The following ZFAND3 variants were observed in gnomAD, a reference collection of about 807,000 sequenced individuals.
ZFAND3 encodes the protein AN1-type zinc finger protein 3.
In ZFAND3, 10 loss-of-function variants were observed where a neutral mutation model predicts 29.6. The observed-to-expected ratio is 0.34, with a 90% CI of 0.21 to 0.57. The LOEUF (loss-of-function observed/expected upper bound fraction) is 0.57, where lower values mean the gene tolerates loss of function less well. ZFAND3 is among the 20% of genes least tolerant of loss of function. ZFAND3 has a pLI of 0.86. For synonymous variants in ZFAND3, 128 were observed against 112.6 expected (o/e 1.14, Z -0.87); for missense variants, 230 against 304.5 (o/e 0.76, Z 1.82).
chr6:37,847,980 A>C (rs1349088387), intron 1 of ZFAND3, among the ~76,000 whole-genome samples: 1 of 152,258 alleles, frequency 6.6e-6, no homozygotes, highest in Non-Finnish European at 1.5e-5. Context: ...TAAAATACTT[A>C]CAGAAAGGTT....
intron 2 of ZFAND3, among the ~76,000 whole-genome samples, chr6:37,945,470 A>G (rs73421420): frequency 0.11 from 17,175 of 152,078 alleles, 1,219 homozygotes; most frequent in Admixed American, 0.2. Flanking sequence ...GTCTTGGCTC[A>G]CTGCAACCTC....
chr6:37,850,017 T>C (rs759812366), intron 1 of ZFAND3, among the ~76,000 whole-genome samples: 1 of 152,198 alleles, frequency 6.6e-6, no homozygotes, highest in Non-Finnish European at 1.5e-5. Flanking sequence ...AAAATGGCTA[T>C]GTGGTATCTC....
intron 1 of ZFAND3, among the ~76,000 whole-genome samples, chr6:37,922,827 A>G (rs1436919835): frequency 6.6e-6 from 1 of 152,244 alleles, no homozygotes; most frequent in Non-Finnish European, 1.5e-5. Context: ...GGAGCTTACA[A>G]GACTGGAAAT....
At chr6:37,907,616 T>C (rs114189345) in intron 1 of ZFAND3, among the ~76,000 whole-genome samples, 6 of 152,330 alleles carry the variant, frequency 3.9e-5, no homozygotes, top group African/African-American at 1.4e-4. Context: ...ACATTGTGTT[T>C]ATTCATTCAC....
intron 2 of ZFAND3, among the ~76,000 whole-genome samples, chr6:38,053,218 G>C (rs1764063790): frequency 6.6e-6 from 1 of 152,162 alleles, no homozygotes; most frequent in South Asian, 2.1e-4. Context: ...CCATGGTTAG[G>C]ATTCTGGATC....
At chr6:37,880,249 C>T (rs572866398) in intron 1 of ZFAND3, among the ~76,000 whole-genome samples, 1 of 152,350 alleles carries the variant, frequency 6.6e-6, no homozygotes, top group South Asian at 2.1e-4. Context: ...TTTACAGTAG[C>T]TGCATGGTGT....
intron 1 of ZFAND3, among the ~76,000 whole-genome samples, chr6:37,921,933 ATGTACC>A: frequency 6.6e-6 from 1 of 151,272 alleles, no homozygotes; most frequent in East Asian, 1.9e-4. Context: ...GTGTGGTGGC[ATGTACC>A]TGTAGTCCCA....
At chr6:38,057,811 A>G (rs1045465937) in intron 2 of ZFAND3, among the ~76,000 whole-genome samples, 6 of 152,216 alleles carry the variant, frequency 3.9e-5, no homozygotes, top group African/African-American at 1.4e-4. Flanking sequence ...TTTTAAAGCC[A>G]TTACAGGTTG....
chr6:37,829,527 T>A (rs1272093667), intron 1 of ZFAND3, among the ~76,000 whole-genome samples: 1 of 152,246 alleles, frequency 6.6e-6, no homozygotes. Context: ...AGAGTGAGAC[T>A]CCGGCTCGAA....
At chr6:38,149,434 A>G (rs1766177775) in intron 5 of ZFAND3, among the ~76,000 whole-genome samples, 2 of 150,768 alleles carry the variant, frequency 1.3e-5, no homozygotes, top group East Asian at 2.0e-4. Context: ...AAAAAACCTA[A>G]GCCAAGTGTC....
At chr6:38,099,558 CAG>C (rs1037828450) in intron 4 of ZFAND3, among the ~76,000 whole-genome samples, 7 of 152,168 alleles carry the variant, frequency 4.6e-5, no homozygotes, top group African/African-American at 1.7e-4. Context: ...CTCAATAGGA[CAG>C]GGGAATTAGT....
chr6:37,875,475 T>C (rs1026238265), intron 1 of ZFAND3, among the ~76,000 whole-genome samples: 3 of 152,334 alleles, frequency 2.0e-5, no homozygotes, highest in African/African-American at 7.2e-5. Context: ...TAAATGATTT[T>C]TTTTTTTGGC....
At chr6:38,130,868 G>A (rs939672369) in intron 5 of ZFAND3, among the ~76,000 whole-genome samples, 1 of 152,160 alleles carries the variant, frequency 6.6e-6, no homozygotes, top group Non-Finnish European at 1.5e-5. Context: ...TTGTGGAATA[G>A]TGTCAATAGG....
At position 37,928,674 on chromosome 6, in the gene ZFAND3, C is replaced by A. The variant is rs549869123; in HGVS notation, c.72-1285C>A. Among the ~76,000 whole-genome samples the A allele has an allele frequency of 6.6e-5, 10 of 152,110 alleles. No homozygotes were observed. The East Asian group carries it at 1.9e-3, about 29-fold the overall frequency. On this transcript the variant is annotated intron_variant, in intron 1 of 5. Coordinates refer to ENST00000287218, the MANE Select transcript of ZFAND3 (RefSeq NM_021943.3). ...TAGCTACAGACGTGTGCCACCTCTC[C>A]CAGCTAATTTTTTCTATTTTTAGTA...
intron 2 of ZFAND3, among the ~76,000 whole-genome samples, chr6:38,013,657 T>C (rs1763200314): frequency 6.6e-6 from 1 of 152,132 alleles, no homozygotes; most frequent in African/African-American, 2.4e-5. Flanking sequence ...GTATTTCAAA[T>C]GGTGTGTAGG....
Position 38,088,522 on chromosome 6 carries a change from G to C in ZFAND3, c.361+6065G>C, listed in dbSNP as rs1199948491. 3 of 152,224 alleles carry C rather than the reference G, an allele frequency of 2.0e-5. No homozygotes were observed. The East Asian group carries it at 5.8e-4, about 29-fold the overall frequency. 9.4% of individuals were successfully genotyped at this position (152,224 alleles called of 1,614,324 possible). ...GTCAATAATAACTTACTTAAAGAGT[G>C]TAATTGTATTGCTTGTAACTCAAAG... On this transcript the variant is annotated intron_variant, in intron 4 of 5. Coordinates refer to ENST00000287218, the MANE Select transcript of ZFAND3 (RefSeq NM_021943.3).
chr6:37,843,723 A>T (rs183026522), intron 1 of ZFAND3, among the ~76,000 whole-genome samples: 1 of 152,216 alleles, frequency 6.6e-6, no homozygotes, highest in African/African-American at 2.4e-5. Flanking sequence ...TATACTCAAC[A>T]ATCATTGGTA....
At chr6:37,934,529 T>TAAA (rs34477813) in intron 2 of ZFAND3, among the ~76,000 whole-genome samples, 6 of 125,346 alleles carry the variant, frequency 4.8e-5, no homozygotes, top group South Asian at 2.6e-4. Context: ...TTAGTCTATT[T>TAAA]AAAAAAAAAA....
chr6:38,013,586 T>C (rs1318024453), intron 2 of ZFAND3, among the ~76,000 whole-genome samples: 5 of 152,206 alleles, frequency 3.3e-5, no homozygotes, highest in Non-Finnish European at 7.3e-5. Flanking sequence ...GTTTGTGATG[T>C]AATGGTATTT....
Sources: gnomAD v4.1 joint callset for allele counts (sites outside exome capture counted in the v4.1 genomes callset) on GRCh38, gnomAD v4.1.1 for gene constraint, MANE v1.5 for transcripts, NCBI Gene and HGNC (gene_info 2026-07-23, HGNC 2026-07-21) for gene names.